Variants in ZNF362 observed in about 807,000 individuals in gnomAD.
The protein encoded by ZNF362 is zinc finger protein 362, also known as rotund homolog.
In ZNF362, 11 loss-of-function variants were observed where a neutral mutation model predicts 42.9. The observed-to-expected ratio is 0.26, with a 90% confidence interval of 0.16 to 0.42. The LOEUF (loss-of-function observed/expected upper bound fraction) is 0.42. Ranked by LOEUF, ZNF362 falls within the 20% of genes least tolerant of loss-of-function variation. The pLI, the probability that ZNF362 is intolerant of heterozygous loss-of-function variation, is 1.00. For missense variants in ZNF362, 362 were observed against 576.2 expected (o/e 0.63, Z 3.81); for synonymous variants, 255 against 257.3 (o/e 0.99, Z 0.09).
At chr1:33,273,632 G>A (rs1645921977) in intron 2 of ZNF362, among the ~76,000 whole-genome samples, 1 of 152,196 alleles carries the variant, frequency 6.6e-6, no homozygotes, top group African/African-American at 2.4e-5. Flanking sequence ...GGAAACCTGA[G>A]GCTTAGAGAG....
At chr1:33,230,752 G>A in the ZNF362 span, among the ~76,000 whole-genome samples, 1 of 152,240 alleles carries the variant, frequency 6.6e-6, no homozygotes, top group South Asian at 2.1e-4. Flanking sequence ...TGCTGCCTGG[G>A]TTTTGCTTTG....
chr1:33,136,794 C>T, the ZNF362 span, among the ~76,000 whole-genome samples: 50 of 151,376 alleles, frequency 3.3e-4, 1 homozygote, highest in African/African-American at 8.7e-4. Flanking sequence ...GTCAGGAGTC[C>T]GAGACCAGCC....
chr1:33,170,272 C>T, the ZNF362 span, among the ~76,000 whole-genome samples: 1 of 151,842 alleles, frequency 6.6e-6, no homozygotes, highest in Non-Finnish European at 1.5e-5. Flanking sequence ...TGCAGTGAGC[C>T]AAGATCGTGC....
chr1:33,235,363 G>A, the ZNF362 span, among the ~76,000 whole-genome samples: 1 of 152,064 alleles, frequency 6.6e-6, no homozygotes, highest in African/African-American at 2.4e-5. Context: ...TCCTCACGAT[G>A]CCTGTAAGGG....
the ZNF362 span, among the ~76,000 whole-genome samples, chr1:33,193,890 T>G: frequency 1.3e-5 from 2 of 152,212 alleles, no homozygotes; most frequent in Non-Finnish European, 2.9e-5. Context: ...CTTGAGGTAG[T>G]CAGCCAACTG....
At chr1:33,209,489 G>A in the ZNF362 span, among the ~76,000 whole-genome samples, 1 of 152,188 alleles carries the variant, frequency 6.6e-6, no homozygotes, top group Non-Finnish European at 1.5e-5. Context: ...AATAATTTCA[G>A]AAGGAATGAT....
the ZNF362 span, among the ~76,000 whole-genome samples, chr1:33,217,388 G>C: frequency 6.6e-6 from 1 of 152,164 alleles, no homozygotes; most frequent in Non-Finnish European, 1.5e-5. Flanking sequence ...TGTCACTCCT[G>C]CCTCACACAG....
the ZNF362 span, among the ~76,000 whole-genome samples, chr1:33,180,795 T>TCC: frequency 1.3e-5 from 2 of 151,256 alleles, no homozygotes; most frequent in East Asian, 3.9e-4. Flanking sequence ...CTGTCTCAGA[T>TCC]CCCTCAGGGT....
chr1:33,144,147 T>C, the ZNF362 span, among the ~76,000 whole-genome samples: 1 of 69,502 alleles, frequency 1.4e-5, no homozygotes, highest in Admixed American at 1.6e-4. Flanking sequence ...TTTTTTTTTT[T>C]TTTTTTTTGA....
the ZNF362 span, among the ~76,000 whole-genome samples, chr1:33,236,550 A>AAAAAATATATATATATATATATATAT: frequency 1.7e-4 from 1 of 5,980 alleles, no homozygotes; most frequent in African/African-American, 3.9e-4. Context: ...AAAAAAAAAA[A>AAAAAATATATATATATATATATATAT]ATATATATAT....
At chr1:33,129,370 A>T in the ZNF362 span, among the ~76,000 whole-genome samples, 1 of 152,202 alleles carries the variant, frequency 6.6e-6, no homozygotes, top group African/African-American at 2.4e-5. The surrounding 1 kb of genome is among the most constrained non-coding windows in gnomAD (Gnocchi z 4.1). Context: ...TCTGATAAGC[A>T]ACTGCAGACC....
chr1:33,223,142 T>C, the ZNF362 span, among the ~76,000 whole-genome samples: 1 of 152,000 alleles, frequency 6.6e-6, no homozygotes, highest in African/African-American at 2.4e-5. Context: ...TCCCAGCTAC[T>C]CAGGAGGCTG....
At chr1:33,258,943 C>A (rs943492342) in intron 1 of ZNF362, among the ~76,000 whole-genome samples, 1 of 152,206 alleles carries the variant, frequency 6.6e-6, no homozygotes, top group African/African-American at 2.4e-5. Context: ...CTCGCCTGGC[C>A]TTTTCCCAGG....
At chr1:33,252,012 G>A (rs72888079), upstream of ZNF362, among the ~76,000 whole-genome samples, 6,672 of 152,160 alleles carry the variant, frequency 0.044, 417 homozygotes, top group African/African-American at 0.14. Context: ...AGGGGTGGGT[G>A]TGTCACCTCC....
intron 1 of ZNF362, among the ~76,000 whole-genome samples, chr1:33,269,501 G>A (rs1466523247): frequency 6.6e-6 from 1 of 152,016 alleles, no homozygotes; most frequent in African/African-American, 2.4e-5. Context: ...CATTTGCTTT[G>A]TGAAGAGCTA....
At chr1:33,161,787 C>T in the ZNF362 span, among the ~76,000 whole-genome samples, 1 of 152,136 alleles carries the variant, frequency 6.6e-6, no homozygotes, top group African/African-American at 2.4e-5. This position sits in a 1 kb window ranked among gnomAD's most constrained non-coding sequence, Gnocchi z 4.3. Flanking sequence ...CCTCCTAGAC[C>T]ACTCTGCAGC....
chr1:33,158,204 G>A, the ZNF362 span: 73 of 1,555,512 alleles, frequency 4.7e-5, no homozygotes, highest in Middle Eastern at 3.4e-4. Flanking sequence ...GCTGGGCTGT[G>A]CTGGGACATG....
intron 8 of ZNF362, among the ~76,000 whole-genome samples, chr1:33,295,828 T>C (rs1646119707): frequency 6.6e-6 from 1 of 152,110 alleles, no homozygotes; most frequent in African/African-American, 2.4e-5. Flanking sequence ...ATCGCTTGAG[T>C]GTGTGCTTCT....
chr1:33,230,108 C>T, the ZNF362 span, among the ~76,000 whole-genome samples: 1 of 152,166 alleles, frequency 6.6e-6, no homozygotes, highest in Non-Finnish European at 1.5e-5. Flanking sequence ...TTGAAAAAAA[C>T]CTATAACCAT....
Sources: allele counts gnomAD v4.1 joint callset (sites outside exome capture counted in the v4.1 genomes callset), GRCh38; gene constraint gnomAD v4.1.1; non-coding constraint Gnocchi (gnomAD v3.1); transcripts MANE v1.5; gene names NCBI Gene and HGNC (gene_info 2026-07-23, HGNC 2026-07-21).